DPYSL2: variants seen among roughly 807,000 people sequenced by gnomAD.
DPYSL2 encodes the protein dihydropyrimidinase like 2, also known as dihydropyrimidinase-related protein 2.
Under a neutral mutation model 69.9 loss-of-function variants are expected in DPYSL2, and 13 were observed. The observed-to-expected ratio is 0.19, with a 90% CI of 0.12 to 0.30. DPYSL2 has a LOEUF of 0.30. Ranked by LOEUF, DPYSL2 falls within the 10% of genes least tolerant of loss-of-function variation. The pLI, the probability that DPYSL2 is intolerant of heterozygous loss-of-function variation, is 1.00. For synonymous variants in DPYSL2, 326 were observed against 359.1 expected, an observed-to-expected ratio of 0.91 and a Z score of 1.04; for missense variants, 587 against 918.9, an observed-to-expected ratio of 0.64 and a Z score of 4.67.
intron 1 of DPYSL2, among the ~76,000 whole-genome samples, chr8:26,544,649 T>C (rs36104483): frequency 0.1 from 15,564 of 152,258 alleles, 880 homozygotes; most frequent in Non-Finnish European, 0.12. Flanking sequence ...GCCAATCTGA[T>C]GGATATAAGT....
rs1266762523 is a variant in DPYSL2 at position 26,587,465 on chromosome 8, G to A, written c.628+3482G>A. On this transcript the variant is annotated intron_variant, in intron 3 of 13. Coordinates refer to ENST00000521913, the MANE Select transcript of DPYSL2 (RefSeq NM_001197293.3). This position sits in a 1 kb window ranked among gnomAD's most constrained non-coding sequence, Gnocchi z 4.2. ...TAAATCCTCGCCTGCCTCCCTGCTG[G>A]CTCTGCGTTTCCCAGGTCACAGGCC... is the stretch of plus-strand genomic sequence containing the variant. Among the ~76,000 whole-genome samples the A allele has an allele frequency of 6.6e-6, 1 of 152,132 alleles. No individual in the cohort carries two copies. The highest frequency in any genetic ancestry group is 2.4e-5 in the African/African-American group (1 of 41,416).
At chr8:26,535,616 G>GAA (rs1800578052) in intron 1 of DPYSL2, among the ~76,000 whole-genome samples, 1 of 147,900 alleles carries the variant, frequency 6.8e-6, no homozygotes, top group Non-Finnish European at 1.5e-5. Flanking sequence ...AAAACAGACT[G>GAA]ATATATATAT....
chr8:26,550,140 A>T (rs1800849598), intron 1 of DPYSL2, among the ~76,000 whole-genome samples: 1 of 152,234 alleles, frequency 6.6e-6, no homozygotes, highest in Non-Finnish European at 1.5e-5. Flanking sequence ...GAAAAGTAAC[A>T]TTACAAGGGA....
intron 7 of DPYSL2, among the ~76,000 whole-genome samples, chr8:26,630,637 G>T (rs1300063031): frequency 6.6e-6 from 1 of 152,154 alleles, no homozygotes; most frequent in African/African-American, 2.4e-5. Context: ...CAGGCTGCAT[G>T]GCTGTATTCA....
intron 1 of DPYSL2, among the ~76,000 whole-genome samples, chr8:26,526,805 G>C (rs143252568): frequency 6.6e-6 from 1 of 152,208 alleles, no homozygotes; most frequent in Non-Finnish European, 1.5e-5. Flanking sequence ...TGTGTTCCAC[G>C]GGGGATCCAT....
At chr8:26,531,532 A>T (rs1563376694) in intron 1 of DPYSL2, among the ~76,000 whole-genome samples, 2 of 152,214 alleles carry the variant, frequency 1.3e-5, no homozygotes, top group Non-Finnish European at 2.9e-5. Flanking sequence ...TGTTGGAGCC[A>T]TCTAGAGCTG....
At chr8:26,530,113 C>CAAAAAAAAAA (rs34448431) in intron 1 of DPYSL2, among the ~76,000 whole-genome samples, 2 of 72,034 alleles carry the variant, frequency 2.8e-5, no homozygotes, top group Non-Finnish European at 4.9e-5. Context: ...ACTCCGTCTC[C>CAAAAAAAAAA]AAAAAAAAAA....
In DPYSL2 at chr8:26,647,767, C is replaced by T. The variant is rs151050891; in HGVS notation, c.1563C>T (p.Ser521=). Residue 521 remains serine, a synonymous_variant, in exon 11 of 14, where the codon AGC becomes AGT. Transcript: ENST00000521913. The surrounding 1 kb of genome is among the most constrained non-coding windows in gnomAD (Gnocchi z 5.1). ...DADLVIWDPD[S]VKTISAKTHN... Reference sequence around the variant, plus strand: ...ACCTGGTCATCTGGGACCCCGACAGCGTTAAAACCATCTCTGCCAAGACAC... The same window carrying T: ...ACCTGGTCATCTGGGACCCCGACAGTGTTAAAACCATCTCTGCCAAGACAC... 8.7e-4 allele frequency: 1,397 copies of T among 1,613,836 alleles called. 9 individuals carry two copies. The African/African-American group carries it at 0.016, about 19-fold the overall frequency.
In DPYSL2 at chr8:26,617,190, T is replaced by C. The variant is rs1585549474; in HGVS notation, c.629-6953T>C. ...TATTGTACTATAATTAGGCAAGATG[T>C]TTCCTTTGGGGGAAACGGGGTGAAG... On this transcript the variant is annotated intron_variant, in intron 3 of 13. Transcript: ENST00000521913. The surrounding 1 kb of genome is among the most constrained non-coding windows in gnomAD (Gnocchi z 4.7). Among the ~76,000 whole-genome samples, 1 of 152,222 alleles carries C rather than the reference T, an allele frequency of 6.6e-6. No individual in the cohort carries two copies. The highest frequency in any genetic ancestry group is 1.9e-4 in the East Asian group (1 of 5,198).
At chr8:26,611,142 T>C (rs1464858940) in intron 3 of DPYSL2, among the ~76,000 whole-genome samples, 1 of 152,232 alleles carries the variant, frequency 6.6e-6, no homozygotes, top group Non-Finnish European at 1.5e-5. Flanking sequence ...GCCAGGATTC[T>C]ACCCAGACAG....
rs1477155254 is a variant in DPYSL2, at chr8:26,517,608, A to G, written c.354+2929A>G. Among the ~76,000 whole-genome samples, 4 of 152,070 alleles carry G rather than the reference A, an allele frequency of 2.6e-5. No homozygotes were observed. The highest frequency in any genetic ancestry group is 9.7e-5 in the African/African-American group (4 of 41,402). ...TCCTTCAGCCTCTTCCCTTCCTCCT[A>G]GGAACTTCCTCCATTCCACTCCAGA... On this transcript the variant is annotated intron_variant, in intron 1 of 13. Transcript: ENST00000521913. This position sits in a 1 kb window ranked among gnomAD's most constrained non-coding sequence, Gnocchi z 4.2.
At chr8:26,611,946 C>T (rs1450889039) in intron 3 of DPYSL2, among the ~76,000 whole-genome samples, 2 of 152,192 alleles carry the variant, frequency 1.3e-5, no homozygotes, top group Non-Finnish European at 2.9e-5. Context: ...GGCTGGGAAT[C>T]GCTTAGGCCT....
In DPYSL2 at chr8:26,644,142, C is replaced by T; in HGVS notation, c.1425+51C>T. 1.9e-6 allele frequency: 3 copies of T among 1,593,350 alleles called. No individual in the cohort carries two copies. The highest frequency in any genetic ancestry group is 2.6e-6 in the Non-Finnish European group (3 of 1,168,490). Reference sequence around the variant, plus strand: ...GGTGGCTCTCAGCCTTCCTTGTCCTCCTCATCTGGGGGCCATGGGGCTCAT... The same window carrying T: ...GGTGGCTCTCAGCCTTCCTTGTCCTTCTCATCTGGGGGCCATGGGGCTCAT... On this transcript the variant is annotated intron_variant, in intron 10 of 13. Transcript: ENST00000521913. This position sits in a 1 kb window ranked among gnomAD's most constrained non-coding sequence, Gnocchi z 4.5.
intron 3 of DPYSL2, among the ~76,000 whole-genome samples, chr8:26,601,408 C>T (rs559390908): frequency 2.8e-4 from 42 of 151,054 alleles, no homozygotes; most frequent in African/African-American, 8.8e-4. Context: ...GACAGAGTCT[C>T]GCTCTGTCCC....
chr8:26,636,851 C>T (rs536760100), intron 8 of DPYSL2, among the ~76,000 whole-genome samples: 1 of 152,322 alleles, frequency 6.6e-6, no homozygotes, highest in Non-Finnish European at 1.5e-5. Context: ...AGCGATTCTC[C>T]CGCCTCAGCC....
intron 3 of DPYSL2, among the ~76,000 whole-genome samples, chr8:26,618,705 C>T (rs1376779804): frequency 1.4e-5 from 2 of 146,602 alleles, no homozygotes; most frequent in East Asian, 2.0e-4. Flanking sequence ...TTTGGGAGGC[C>T]GAGGTTGGGA....
chr8:26,634,775 T>C lies in DPYSL2; in HGVS notation c.1006-5T>C, dbSNP rs1205985944. 1.9e-6 allele frequency: 3 copies of C among 1,614,050 alleles called. No individual in the cohort carries two copies. In the African/African-American group the frequency reaches 4.0e-5, roughly 22 times the overall value. On this transcript the variant is annotated splice_polypyrimidine_tract_variant and splice_region_variant and intron_variant, in intron 7 of 13. Transcript: ENST00000521913. ...ACATTCTCATGCTCTGCTGCTGTTT[T>C]GCAGGTCGAGGCCGAAGCCGTGAAT... is the stretch of plus-strand genomic sequence containing the variant.
chr8:26,599,349 T>G (rs1017275457), intron 3 of DPYSL2, among the ~76,000 whole-genome samples: 3 of 152,232 alleles, frequency 2.0e-5, no homozygotes, highest in African/African-American at 7.2e-5. Context: ...GTAGGATTTC[T>G]GTCCATGATT....
rs990768393 is a variant in DPYSL2 at position 26,564,819 on chromosome 8, T to C, written c.355-17150T>C. ...GGGATACAAGTGGTTTTTGGTTACATAGATGAATTGTATAGTGGTGAAGTC... is the reference window on the plus strand; with the variant it reads ...GGGATACAAGTGGTTTTTGGTTACACAGATGAATTGTATAGTGGTGAAGTC... On this transcript the variant is annotated intron_variant, in intron 1 of 13. Transcript: ENST00000521913. This position sits in a 1 kb window ranked among gnomAD's most constrained non-coding sequence, Gnocchi z 4.8. Among the ~76,000 whole-genome samples the C allele has an allele frequency of 6.6e-6, 1 of 152,096 alleles. No homozygotes were observed. The highest frequency in any genetic ancestry group is 2.4e-5 in the African/African-American group (1 of 41,424).
Sources: gnomAD v4.1 joint callset for allele counts (sites outside exome capture counted in the v4.1 genomes callset) on GRCh38, gnomAD v4.1.1 for gene constraint, Gnocchi (gnomAD v3.1) non-coding constraint, MANE v1.5 for transcripts, NCBI Gene and HGNC (gene_info 2026-07-23, HGNC 2026-07-21) for gene names.